PKNOX2: variants seen among roughly 807,000 people sequenced by gnomAD.
PKNOX2 encodes the protein homeobox protein PKNOX2.
A neutral mutation model predicts 53.1 loss-of-function variants in PKNOX2; 14 were observed. The observed-to-expected ratio is 0.26, with a 90% CI of 0.17 to 0.41. PKNOX2 has a LOEUF of 0.41. Ranked by LOEUF, PKNOX2 falls within the 10% of genes least tolerant of loss-of-function variation. PKNOX2 has a pLI of 1.00. For synonymous variants in PKNOX2, 257 were observed against 242.8 expected, an observed-to-expected ratio of 1.06 and a Z score of -0.54; for missense variants, 496 against 602.8, an observed-to-expected ratio of 0.82 and a Z score of 1.85.
intron 2 of PKNOX2, among the ~76,000 whole-genome samples, chr11:125,270,948 C>T (rs1945749106): frequency 1.3e-5 from 2 of 152,152 alleles, no homozygotes; most frequent in African/African-American, 2.4e-5. Context: ...AGTTTCCAGG[C>T]ATCTCAGAGG....
At position 125,281,127 on chromosome 11, in the gene PKNOX2, T is replaced by A. The variant is rs532618322; in HGVS notation, c.-130+46012T>A. On this transcript the variant is annotated intron_variant, in intron 2 of 12. Coordinates refer to ENST00000298282, the MANE Select transcript of PKNOX2 (RefSeq NM_001382323.2). Reference sequence around the variant, plus strand: ...CAGGGTTTCATGAGGCTCAGCTTTGTCTGGAGCTCAGGCCGCTTGCTAGGG... The same window carrying A: ...CAGGGTTTCATGAGGCTCAGCTTTGACTGGAGCTCAGGCCGCTTGCTAGGG... Among the ~76,000 whole-genome samples the A allele has an allele frequency of 2.6e-5, 4 of 152,300 alleles. No homozygotes were observed. In the East Asian group the frequency reaches 7.7e-4, roughly 29 times the overall value.
intron 10 of PKNOX2, among the ~76,000 whole-genome samples, chr11:125,414,750 A>C (rs1466020893): frequency 6.6e-6 from 1 of 152,026 alleles, no homozygotes. Context: ...TTCTTTGAAA[A>C]AAAAAAAAAG....
At chr11:125,389,137 G>A (rs1366282342) in intron 6 of PKNOX2, among the ~76,000 whole-genome samples, 4 of 152,208 alleles carry the variant, frequency 2.6e-5, no homozygotes, top group Admixed American at 2.6e-4. Context: ...AGAGGTTGCA[G>A]TGAGCCGAGA....
intron 3 of PKNOX2, among the ~76,000 whole-genome samples, chr11:125,335,584 T>C (rs1950396677): frequency 6.6e-6 from 1 of 152,200 alleles, no homozygotes; most frequent in African/African-American, 2.4e-5. Context: ...ACTGAGCACT[T>C]ATAGTCAAGA....
In PKNOX2 at chr11:125,307,264, G is replaced by A. The variant is rs191266966; in HGVS notation, c.-129-24555G>A. The stretch of plus-strand genomic sequence containing the variant: ...TTACAGAAATGCAAGCAGACCAGAA[G>A]ATGGACAGGACTTGACATTAACAAT... On this transcript the variant is annotated intron_variant, in intron 2 of 12. Transcript: ENST00000298282. Among the ~76,000 whole-genome samples, 22 of 152,306 alleles carry A rather than the reference G, an allele frequency of 1.4e-4. No individual in the cohort carries two copies. In the East Asian group the frequency reaches 1.5e-3, roughly 11 times the overall value.
intron 2 of PKNOX2, among the ~76,000 whole-genome samples, chr11:125,316,358 G>T (rs921147444): frequency 6.6e-6 from 1 of 152,192 alleles, no homozygotes; most frequent in Admixed American, 6.5e-5. Context: ...TGGAGAAGAA[G>T]CTGAAAGTGC....
At chr11:125,374,413 C>T (rs1952720925) in intron 5 of PKNOX2, among the ~76,000 whole-genome samples, 1 of 152,162 alleles carries the variant, frequency 6.6e-6, no homozygotes, top group Non-Finnish European at 1.5e-5. Context: ...GGTTCACTGG[C>T]ACCTGAGGTA....
chr11:125,325,447 A>G (rs111570411), intron 2 of PKNOX2, among the ~76,000 whole-genome samples: 73 of 152,322 alleles, frequency 4.8e-4, no homozygotes, highest in African/African-American at 1.6e-3. Flanking sequence ...CCCAGGTATT[A>G]GGGGAGCAGA....
intron 2 of PKNOX2, chr11:125,266,530 T>G (rs969351017): frequency 5.3e-5 from 8 of 152,162 alleles, no homozygotes; most frequent in African/African-American, 1.9e-4. Context: ...GGTATTAATT[T>G]TTGTGAAAAT....
chr11:125,302,746 C>A (rs1948161458), intron 2 of PKNOX2, among the ~76,000 whole-genome samples: 1 of 152,244 alleles, frequency 6.6e-6, no homozygotes, highest in South Asian at 2.1e-4. Flanking sequence ...AGTTTTGCCT[C>A]TTCTGGCTGG....
chr11:125,397,729 G>A, intron 6 of PKNOX2, 145 bp from the exon 7 acceptor site: 1 of 781,676 alleles, frequency 1.3e-6, no homozygotes, highest in Middle Eastern at 3.8e-4. Context: ...CCACTTCTGG[G>A]CCTTTTGGCC....
chr11:125,272,888 C>T (rs1288972049), intron 2 of PKNOX2, among the ~76,000 whole-genome samples: 1 of 152,214 alleles, frequency 6.6e-6, no homozygotes, highest in Non-Finnish European at 1.5e-5. Context: ...CAGGCAGTGA[C>T]AGAAGCAGCA....
At chr11:125,371,402 T>TAGCTTGA (rs1223210272) in intron 5 of PKNOX2, among the ~76,000 whole-genome samples, 14 of 152,132 alleles carry the variant, frequency 9.2e-5, no homozygotes, top group Admixed American at 2.6e-4. Context: ...AGTTCAAGCT[T>TAGCTTGA]AGCTTGAACC....
intron 1 of PKNOX2, among the ~76,000 whole-genome samples, chr11:125,177,912 C>G (rs1247606138): frequency 6.6e-6 from 1 of 152,004 alleles, no homozygotes; most frequent in Non-Finnish European, 1.5e-5. Context: ...TCAAGGAGGG[C>G]TGTGAAGCAG....
intron 3 of PKNOX2, among the ~76,000 whole-genome samples, chr11:125,340,023 C>A (rs1317044581): frequency 1.3e-5 from 2 of 152,216 alleles, no homozygotes; most frequent in Non-Finnish European, 2.9e-5. Context: ...TACTTCTTAT[C>A]GCTGGGATCA....
At chr11:125,224,412 C>T (rs1274436332) in intron 1 of PKNOX2, among the ~76,000 whole-genome samples, 1 of 152,196 alleles carries the variant, frequency 6.6e-6, no homozygotes, top group Non-Finnish European at 1.5e-5. Flanking sequence ...GAGCCATGCG[C>T]AGGTGAGGCA....
intron 2 of PKNOX2, among the ~76,000 whole-genome samples, chr11:125,287,071 T>A (rs536604934): frequency 5.3e-5 from 8 of 152,330 alleles, no homozygotes; most frequent in African/African-American, 1.7e-4. Flanking sequence ...GTCTCTGACC[T>A]TTCTCTTTCT....
chr11:125,338,741 G>A (rs1324158661), intron 3 of PKNOX2, among the ~76,000 whole-genome samples: 1 of 152,204 alleles, frequency 6.6e-6, no homozygotes, highest in African/African-American at 2.4e-5. Flanking sequence ...AGTCCACTGT[G>A]CAAAATTGCC....
chr11:125,376,633 G>C (rs1315457948), intron 5 of PKNOX2, among the ~76,000 whole-genome samples: 1 of 152,208 alleles, frequency 6.6e-6, no homozygotes, highest in Non-Finnish European at 1.5e-5. Flanking sequence ...CTTGAGGATT[G>C]TGTCTCAAAA....
Sources: gnomAD v4.1 joint callset for allele counts (sites outside exome capture counted in the v4.1 genomes callset) on GRCh38, gnomAD v4.1.1 for gene constraint, MANE v1.5 for transcripts, NCBI Gene and HGNC (gene_info 2026-07-23, HGNC 2026-07-21) for gene names.